FNBP1L: variants seen among roughly 807,000 people sequenced by gnomAD.
FNBP1L encodes the protein formin-binding protein 1-like.
In FNBP1L, 36 loss-of-function variants were observed where a neutral mutation model predicts 91.2. That is an observed-to-expected ratio of 0.39 (90% CI 0.30 to 0.52). The LOEUF (loss-of-function observed/expected upper bound fraction) is 0.52, where lower values mean the gene tolerates loss of function less well. Ranked by LOEUF, FNBP1L falls within the 20% of genes least tolerant of loss-of-function variation. The pLI, the probability that FNBP1L is intolerant of heterozygous loss-of-function variation, is 0.66. For missense variants in FNBP1L, 571 were observed against 732.1 expected (o/e 0.78, Z 2.54); for synonymous variants, 242 against 237.0 (o/e 1.02, Z -0.19).
At chr1:93,516,821 T>C (rs1671138092) in intron 2 of FNBP1L, among the ~76,000 whole-genome samples, 1 of 152,162 alleles carries the variant, frequency 6.6e-6, no homozygotes, top group Non-Finnish European at 1.5e-5. Flanking sequence ...TTCAAAACCA[T>C]TGAACTTAAA....
intron 1 of FNBP1L, among the ~76,000 whole-genome samples, chr1:93,465,211 TTTA>T (rs1376493689): frequency 4.6e-5 from 7 of 151,926 alleles, no homozygotes; most frequent in East Asian, 1.9e-4. Context: ...GGGGTTCTTT[TTTA>T]TTATTATACT....
chr1:93,481,016 C>T (rs1035582320), intron 1 of FNBP1L, among the ~76,000 whole-genome samples: 9 of 152,208 alleles, frequency 5.9e-5, no homozygotes, highest in African/African-American at 1.2e-4. Flanking sequence ...TAATCCCAAT[C>T]GCTTCCTCCA....
chr1:93,501,613 C>G (rs1264681682), intron 2 of FNBP1L, among the ~76,000 whole-genome samples: 3 of 152,124 alleles, frequency 2.0e-5, no homozygotes, highest in Non-Finnish European at 2.9e-5. Context: ...GGCCCTATCT[C>G]CCAACACCAC....
At chr1:93,545,484 G>C (rs1316652585) in intron 12 of FNBP1L, among the ~76,000 whole-genome samples, 2 of 152,044 alleles carry the variant, frequency 1.3e-5, no homozygotes, top group Non-Finnish European at 2.9e-5. Flanking sequence ...AGAGAGACTT[G>C]GTTAAAAATT....
intron 2 of FNBP1L, among the ~76,000 whole-genome samples, chr1:93,513,165 C>G (rs1437450691): frequency 1.3e-5 from 2 of 152,102 alleles, no homozygotes; most frequent in African/African-American, 4.8e-5. Context: ...ACTAGAAAAT[C>G]TAGAAGAAAT....
chr1:93,547,049 G>C (rs1672265841), intron 13 of FNBP1L, 75 bp downstream of exon 13: 1 of 1,417,792 alleles, frequency 7.1e-7, no homozygotes, highest in African/African-American at 1.5e-5. Context: ...GTTTTTGTTA[G>C]AATTATCTTC....
At chr1:93,526,671 A>G (rs1347838746) in intron 5 of FNBP1L, among the ~76,000 whole-genome samples, 1 of 152,134 alleles carries the variant, frequency 6.6e-6, no homozygotes, top group Non-Finnish European at 1.5e-5. Context: ...GGGGAGTAGA[A>G]GTGGCTGTAC....
chr1:93,500,369 G>A (rs1467857638), intron 2 of FNBP1L, among the ~76,000 whole-genome samples: 3 of 152,026 alleles, frequency 2.0e-5, no homozygotes, highest in Admixed American at 1.3e-4. Context: ...ACCATCCTCC[G>A]TGTTCGTTTA....
At chr1:93,513,115 C>T (rs541108138) in intron 2 of FNBP1L, among the ~76,000 whole-genome samples, 32 of 152,236 alleles carry the variant, frequency 2.1e-4, no homozygotes, top group African/African-American at 7.2e-4. Context: ...GAAATACAAA[C>T]GACCATCAGA....
rs377606642 is a variant in FNBP1L at position 93,448,611 on chromosome 1, C to T, written c.24+306C>T. The stretch of plus-strand genomic sequence containing the variant: ...CCGTGATCCCCTCTTGTTCCTTCTC[C>T]CTCCTCCACCTTCACTTTTCCCGAC... On this transcript the variant is annotated intron_variant, in intron 1 of 16. Coordinates refer to ENST00000271234, the MANE Select transcript of FNBP1L (RefSeq NM_001164473.3). 7.2e-5 allele frequency among the ~76,000 whole-genome samples: 11 copies of T among 152,236 alleles called. No individual in the cohort carries two copies. In the East Asian group the frequency reaches 1.8e-3, roughly 24 times the overall value.
intron 9 of FNBP1L, among the ~76,000 whole-genome samples, chr1:93,535,138 A>G (rs973068270): frequency 6.6e-6 from 1 of 152,164 alleles, no homozygotes; most frequent in East Asian, 1.9e-4. Flanking sequence ...AAAGTTGTTA[A>G]TATCTAGTTA....
intron 1 of FNBP1L, 27 bp downstream of exon 1, chr1:93,448,332 A>G (rs961902187): frequency 6.7e-7 from 1 of 1,499,218 alleles, no homozygotes; most frequent in Non-Finnish European, 8.9e-7. Flanking sequence ...GGCGCCCCGC[A>G]CGGACCCCGG....
rs536712815 is a variant in FNBP1L at position 93,473,709 on chromosome 1, G to T, written c.24+25404G>T. Among the ~76,000 whole-genome samples the T allele has an allele frequency of 2.0e-5, 3 of 152,296 alleles. No individual in the cohort carries two copies. In the East Asian group the frequency reaches 5.8e-4, roughly 29 times the overall value. On this transcript the variant is annotated intron_variant, in intron 1 of 16. Coordinates refer to ENST00000271234, the MANE Select transcript of FNBP1L (RefSeq NM_001164473.3). ...TAGTCTGTGGTCCTGGTAGGAAACA[G>T]TACTCAAAAGGCTTAACTGAGGAGT...
intron 1 of FNBP1L, among the ~76,000 whole-genome samples, chr1:93,468,911 C>T (rs916763575): frequency 3.3e-5 from 5 of 152,066 alleles, no homozygotes; most frequent in Admixed American, 6.6e-5. Flanking sequence ...TCCTTGCCAA[C>T]GGTTGATATC....
intron 1 of FNBP1L, among the ~76,000 whole-genome samples, chr1:93,454,927 T>G (rs1483363604): frequency 6.6e-6 from 1 of 151,964 alleles, no homozygotes; most frequent in African/African-American, 2.4e-5. Flanking sequence ...ATTTATTTAT[T>G]TATTTATTTA....
intron 1 of FNBP1L, among the ~76,000 whole-genome samples, chr1:93,467,724 A>C (rs866086507): frequency 2.0e-5 from 3 of 152,096 alleles, no homozygotes; most frequent in Non-Finnish European, 4.4e-5. Flanking sequence ...GTAGTGTGCC[A>C]TAATTGTGCC....
At chr1:93,516,631 C>T (rs1241225174) in intron 2 of FNBP1L, among the ~76,000 whole-genome samples, 4 of 151,948 alleles carry the variant, frequency 2.6e-5, no homozygotes, top group East Asian at 1.9e-4. Context: ...GGTGAAACCC[C>T]GTCTCCGCTA....
intron 1 of FNBP1L, among the ~76,000 whole-genome samples, chr1:93,451,990 A>G (rs1668513478): frequency 6.6e-6 from 1 of 152,218 alleles, no homozygotes; most frequent in African/African-American, 2.4e-5. Flanking sequence ...CAAAGCTTAT[A>G]TCTTTTTGGA....
At chr1:93,542,797 TTA>T (rs1491537833) in intron 11 of FNBP1L, among the ~76,000 whole-genome samples, 3 of 143,190 alleles carry the variant, frequency 2.1e-5, no homozygotes, top group African/African-American at 8.5e-5. Context: ...TTTTTTTTTT[TTA>T]AAAGACGGAG....
Sources: allele counts gnomAD v4.1 joint callset (sites outside exome capture counted in the v4.1 genomes callset), GRCh38; gene constraint gnomAD v4.1.1; transcripts MANE v1.5; gene names NCBI Gene and HGNC (gene_info 2026-07-23, HGNC 2026-07-21).